TTC29: variants seen among roughly 807,000 people sequenced by gnomAD.
The protein encoded by TTC29 is tetratricopeptide repeat protein 29.
Under a neutral mutation model 58.1 loss-of-function variants are expected in TTC29, and 49 were observed. The observed-to-expected ratio is 0.84, with a 90% CI of 0.67 to 1.07. The LOEUF is 1.07. TTC29 is among the 50% of genes least tolerant of loss of function. TTC29 has a pLI of 0.00. For missense variants in TTC29, 582 were observed against 555.6 expected (o/e 1.05, Z -0.48); for synonymous variants, 209 against 196.8 (o/e 1.06, Z -0.52).
chr4:146,887,485 C>A (rs903534826), intron 6 of TTC29, among the ~76,000 whole-genome samples: 7 of 151,940 alleles, frequency 4.6e-5, no homozygotes, highest in Non-Finnish European at 7.4e-5. Context: ...GGAAAAGGGC[C>A]TGATATGGAT....
At chr4:146,790,175 A>G (rs1345441957) in intron 11 of TTC29, among the ~76,000 whole-genome samples, 1 of 150,668 alleles carries the variant, frequency 6.6e-6, no homozygotes, top group Non-Finnish European at 1.5e-5. Flanking sequence ...TCCAAACCCA[A>G]TCACTTTCTT....
chr4:146,778,976 C>CAAAAAAAAAAAAAAAAAAAAAAAAAAA lies in TTC29; in HGVS notation c.1330+24454_1330+24480dup, dbSNP rs369374851. ...AACTGCACTTGTACTCCTAAATAAG[C>CAAAAAAAAAAAAAAAAAAAAAAAAAAA]AAAAAAAAAAAAAAAAAAAAAAAAA... On this transcript the variant is annotated intron_variant, in intron 11 of 12. Coordinates refer to ENST00000325106, the MANE Select transcript of TTC29 (RefSeq NM_031956.4). Among the ~76,000 whole-genome samples the CAAAAAAAAAAAAAAAAAAAAAAAAAAA allele has an allele frequency of 3.6e-3, 104 of 28,532 alleles. 2 individuals carry two copies. Among genetic ancestry groups the CAAAAAAAAAAAAAAAAAAAAAAAAAAA allele is most frequent in the Non-Finnish European group, 4.1e-3 (76 of 18,754 alleles). The allele number at this position is 28,532 out of a possible 152,430, so 18.7% of individuals were successfully genotyped here. A position where few individuals can be genotyped will look rare whatever the true frequency, so the allele number is the denominator to read the frequency against.
At chr4:146,822,866 C>CT (rs931199395) in intron 9 of TTC29, among the ~76,000 whole-genome samples, 1 of 152,166 alleles carries the variant, frequency 6.6e-6, no homozygotes, top group African/African-American at 2.4e-5. Context: ...TGATGTTGAG[C>CT]TTTTTTTCAT....
intron 8 of TTC29, among the ~76,000 whole-genome samples, chr4:146,855,885 T>C (rs1729812707): frequency 6.6e-6 from 1 of 152,236 alleles, no homozygotes; most frequent in Non-Finnish European, 1.5e-5. Context: ...TTAACACATC[T>C]AATCCTATAA....
intron 6 of TTC29, among the ~76,000 whole-genome samples, chr4:146,903,043 T>C (rs1283506879): frequency 6.6e-6 from 1 of 152,146 alleles, no homozygotes; most frequent in African/African-American, 2.4e-5. Context: ...ATATTATCTA[T>C]TTCTGACAAT....
intron 10 of TTC29, among the ~76,000 whole-genome samples, chr4:146,817,186 T>C (rs1042551044): frequency 1.8e-4 from 27 of 152,292 alleles, no homozygotes; most frequent in South Asian, 4.1e-4. Context: ...GAAAACCCCA[T>C]TGTCTCAGCC....
intron 11 of TTC29, among the ~76,000 whole-genome samples, chr4:146,800,188 C>T (rs1181806458): frequency 6.6e-6 from 1 of 152,168 alleles, no homozygotes; most frequent in Non-Finnish European, 1.5e-5. Flanking sequence ...ATGAAGGTGC[C>T]TACATTTGCT....
chr4:146,827,675 G>T (rs1245579920), intron 9 of TTC29, among the ~76,000 whole-genome samples: 1 of 152,160 alleles, frequency 6.6e-6, no homozygotes, highest in Non-Finnish European at 1.5e-5. Context: ...GCCACAAGTG[G>T]CTGTGGGATT....
chr4:146,718,795 A>G lies in TTC29; in HGVS notation c.1331-11244T>C, dbSNP rs192930661. Among the ~76,000 whole-genome samples, 36 of 152,272 alleles carry G rather than the reference A, an allele frequency of 2.4e-4. No individual in the cohort carries two copies. The East Asian group carries it at 6.8e-3, about 29-fold the overall frequency. On this transcript the variant is annotated intron_variant, in intron 11 of 12. Coordinates refer to ENST00000325106, the MANE Select transcript of TTC29 (RefSeq NM_031956.4). ...AAGTTATTGCCTAGACCAACGACAC[A>G]TAGTTTTCCCCTTATGTTTTCTTCT...
intron 11 of TTC29, among the ~76,000 whole-genome samples, chr4:146,791,067 A>T (rs891639226): frequency 5.3e-5 from 8 of 152,218 alleles, no homozygotes; most frequent in Non-Finnish European, 1.0e-4. Context: ...TATGACTATC[A>T]TAAGTAGAGT....
intron 8 of TTC29, among the ~76,000 whole-genome samples, chr4:146,837,243 A>G (rs1728569423): frequency 6.6e-6 from 1 of 152,142 alleles, no homozygotes; most frequent in Non-Finnish European, 1.5e-5. Context: ...TAGCACAGAA[A>G]CAGGAAACCA....
At position 146,707,064 on chromosome 4, in the gene TTC29, C is replaced by G. The variant is rs1742003934; in HGVS notation, c.*94G>C. 1.1e-6 allele frequency: 1 copy of G among 930,992 alleles called. No homozygotes were observed. Among genetic ancestry groups the G allele is most frequent in the Non-Finnish European group, 1.5e-6 (1 of 651,490 alleles). 57.7% of individuals were successfully genotyped at this position (930,992 alleles called of 1,614,324 possible). A position where few individuals can be genotyped will look rare whatever the true frequency, so the allele number is the denominator to read the frequency against. ...AGTCATAGTCCGTTTTATTATAACT[C>G]TATATTATCTGTAACATGCTCCTAT... On this transcript the variant is annotated 3_prime_UTR_variant, in exon 13 of 13. Transcript: ENST00000325106.
chr4:146,726,188 A>T (rs1561063481), intron 11 of TTC29, among the ~76,000 whole-genome samples: 1 of 151,960 alleles, frequency 6.6e-6, no homozygotes, highest in South Asian at 2.1e-4. Context: ...AACCATGTAT[A>T]AAAAAATTTC....
intron 11 of TTC29, among the ~76,000 whole-genome samples, chr4:146,750,317 C>T (rs2150046987): frequency 6.6e-6 from 1 of 152,154 alleles, no homozygotes; most frequent in African/African-American, 2.4e-5. Flanking sequence ...CTATACCTGC[C>T]TTTTAAGAAA....
At chr4:146,860,335 A>G (rs1730144538) in intron 8 of TTC29, among the ~76,000 whole-genome samples, 1 of 152,168 alleles carries the variant, frequency 6.6e-6, no homozygotes, top group South Asian at 2.1e-4. Context: ...AAAATGTATT[A>G]CTTTAGTGAA....
chr4:146,933,523 G>A (rs567226259), intron 4 of TTC29, among the ~76,000 whole-genome samples: 16 of 152,246 alleles, frequency 1.1e-4, no homozygotes, highest in African/African-American at 1.7e-4. Flanking sequence ...TTAAAAATCC[G>A]AAGTACAGAA....
chr4:146,926,920 C>T (rs1395978325), intron 4 of TTC29, among the ~76,000 whole-genome samples: 1 of 151,714 alleles, frequency 6.6e-6, no homozygotes, highest in South Asian at 2.1e-4. Context: ...TTCCTTATGA[C>T]AACCCACATT....
At chr4:146,830,132 G>A (rs10519826) in intron 9 of TTC29, among the ~76,000 whole-genome samples, 9,570 of 152,134 alleles carry the variant, frequency 0.063, 399 homozygotes, top group Admixed American at 0.13. Context: ...GTATTTTAGA[G>A]CATCAAATCT....
intron 11 of TTC29, among the ~76,000 whole-genome samples, chr4:146,798,779 C>A (rs933382873): frequency 6.9e-6 from 1 of 145,852 alleles, no homozygotes; most frequent in Non-Finnish European, 1.5e-5. Context: ...CCCAGCTACT[C>A]GGGAGGCTGA....
Sources: allele counts gnomAD v4.1 joint callset (sites outside exome capture counted in the v4.1 genomes callset), GRCh38; gene constraint gnomAD v4.1.1; transcripts MANE v1.5; gene names NCBI Gene and HGNC (gene_info 2026-07-23, HGNC 2026-07-21).